KALRN: variants seen among roughly 807,000 people sequenced by gnomAD.
KALRN encodes the protein kalirin RhoGEF kinase.
A neutral mutation model predicts 353.7 loss-of-function variants in KALRN; 70 were observed. The ratio of observed to expected loss-of-function variants is 0.20; its 90% CI spans 0.16 to 0.24. The LOEUF (loss-of-function observed/expected upper bound fraction) is 0.24, where lower values mean the gene tolerates loss of function less well. Among genes scored for constraint, KALRN ranks in the 10% least tolerant of loss-of-function variants. The pLI, the probability that KALRN is intolerant of heterozygous loss-of-function variation, is 1.00. For missense variants in KALRN, 2,791 were observed against 3,756.7 expected, an observed-to-expected ratio of 0.74 and a Z score of 6.72; for synonymous variants, 1,391 against 1,434.8, an observed-to-expected ratio of 0.97 and a Z score of 0.69.
intron 16 of KALRN, among the ~76,000 whole-genome samples, chr3:124,433,463 C>G (rs1408203916): frequency 2.0e-5 from 3 of 151,604 alleles, no homozygotes; most frequent in Non-Finnish European, 4.4e-5. Flanking sequence ...TGGCACACAC[C>G]TGTAGTCCCA....
intron 41 of KALRN, 88 bp from the exon 42 acceptor site, chr3:124,658,343 G>T (rs1048051343): frequency 2.1e-6 from 2 of 974,052 alleles, no homozygotes; most frequent in African/African-American, 3.2e-5. Context: ...TTTGTCCTTT[G>T]TCCACGTGGA....
intron 34 of KALRN, among the ~76,000 whole-genome samples, chr3:124,631,924 C>T (rs529523686): frequency 9.2e-5 from 14 of 152,208 alleles, no homozygotes; most frequent in Admixed American, 3.9e-4. Context: ...TTTGCTCTTC[C>T]GCCCAGAAGG....
chr3:124,581,624 G>A (rs1290727482), intron 34 of KALRN, among the ~76,000 whole-genome samples: 1 of 152,124 alleles, frequency 6.6e-6, no homozygotes, highest in African/African-American at 2.4e-5. Context: ...GAAGATTTGA[G>A]TAAAAAACAA....
intron 15 of KALRN, among the ~76,000 whole-genome samples, chr3:124,427,957 G>T (rs569656180): frequency 2.0e-5 from 3 of 152,086 alleles, no homozygotes; most frequent in Non-Finnish European, 2.9e-5. Context: ...CATCCCTTAT[G>T]CAAGGAAAGT....
chr3:124,081,857 A>C (rs2060559712), intron 1 of KALRN, among the ~76,000 whole-genome samples: 1 of 152,220 alleles, frequency 6.6e-6, no homozygotes, highest in African/African-American at 2.4e-5. Flanking sequence ...GTATGTGTGC[A>C]TTGACATGTA....
At chr3:124,216,068 A>G (rs1448874652) in intron 1 of KALRN, among the ~76,000 whole-genome samples, 1 of 152,200 alleles carries the variant, frequency 6.6e-6, no homozygotes, top group African/African-American at 2.4e-5. Context: ...TTTGTGTTCA[A>G]CTAACCTCAG....
chr3:124,186,210 C>T (rs1021332628), intron 1 of KALRN, among the ~76,000 whole-genome samples: 2 of 152,150 alleles, frequency 1.3e-5, no homozygotes, highest in East Asian at 3.9e-4. Flanking sequence ...ATAATGCAGC[C>T]TCAGAAGGGG....
At chr3:124,310,249 G>A (rs1162178006) in intron 6 of KALRN, among the ~76,000 whole-genome samples, 1 of 151,888 alleles carries the variant, frequency 6.6e-6, no homozygotes, top group South Asian at 2.1e-4. Context: ...ATAAAGCATT[G>A]TTGAAAGAAA....
At chr3:124,562,102 A>G (rs1362444059) in intron 33 of KALRN, among the ~76,000 whole-genome samples, 1 of 152,186 alleles carries the variant, frequency 6.6e-6, no homozygotes, top group Non-Finnish European at 1.5e-5. Flanking sequence ...TATGCTCCTA[A>G]GTAAGAAGTG....
At chr3:124,592,008 T>C (rs2075824660) in intron 34 of KALRN, among the ~76,000 whole-genome samples, 2 of 152,126 alleles carry the variant, frequency 1.3e-5, no homozygotes, top group Non-Finnish European at 2.9e-5. Context: ...CAACAGAAGA[T>C]ACTGGCAAGA....
chr3:124,269,390 A>AG, intron 5 of KALRN, 135 bp downstream of exon 5: 1 of 940,914 alleles, frequency 1.1e-6, no homozygotes, highest in Admixed American at 2.9e-5. Context: ...TAGCTAATGT[A>AG]ATTTTTTTAA....
At chr3:124,576,737 A>C (rs2074135904) in intron 34 of KALRN, among the ~76,000 whole-genome samples, 2 of 152,216 alleles carry the variant, frequency 1.3e-5, no homozygotes, top group South Asian at 2.1e-4. Flanking sequence ...CCGTGAATGT[A>C]CATGCTGCTG....
intron 34 of KALRN, among the ~76,000 whole-genome samples, chr3:124,607,927 AAC>A (rs2077518630): frequency 6.6e-6 from 1 of 152,214 alleles, no homozygotes; most frequent in South Asian, 2.1e-4. Context: ...TTTTATAATT[AAC>A]ATTGTATCCT....
chr3:124,365,532 A>C (rs576069), intron 10 of KALRN, among the ~76,000 whole-genome samples: 152,276 of 152,280 alleles, frequency 1, 76,136 homozygotes, highest in Non-Finnish European at 1. Flanking sequence ...AGGTGAGATA[A>C]AAGTGGACTT....
chr3:124,352,908 A>G (rs2082989757), intron 10 of KALRN, among the ~76,000 whole-genome samples: 1 of 152,208 alleles, frequency 6.6e-6, no homozygotes, highest in Admixed American at 6.5e-5. Context: ...AGAAATACCT[A>G]ATATAAATGA....
intron 5 of KALRN, among the ~76,000 whole-genome samples, chr3:124,272,502 A>G (rs1297766945): frequency 1.3e-5 from 2 of 152,118 alleles, no homozygotes; most frequent in Non-Finnish European, 2.9e-5. Flanking sequence ...CCCAAGGTTT[A>G]GAATGTCTGT....
At chr3:124,583,182 G>A (rs2074795327) in intron 34 of KALRN, among the ~76,000 whole-genome samples, 1 of 152,152 alleles carries the variant, frequency 6.6e-6, no homozygotes, top group Non-Finnish European at 1.5e-5. Context: ...CCATGAGTGT[G>A]TTTCTTCCAG....
intron 50 of KALRN, among the ~76,000 whole-genome samples, chr3:124,678,832 G>T (rs947519983): frequency 6.6e-6 from 1 of 152,104 alleles, no homozygotes; most frequent in South Asian, 2.1e-4. Context: ...CAGTAGGGGG[G>T]CACATTGGTG....
At position 124,206,434 on chromosome 3, in the gene KALRN, C is replaced by T. The variant is rs57203629; in HGVS notation, c.74-21556C>T. ...ATACAACTGTTCCTAACTGCAAGGG[C>T]GGTTGGGAAATGTAACAGTCGTGTG... On this transcript the variant is annotated intron_variant, in intron 1 of 59. Coordinates refer to ENST00000682506, the MANE Select transcript of KALRN (RefSeq NM_001388419.1). 4.6e-5 allele frequency among the ~76,000 whole-genome samples: 7 copies of T among 152,252 alleles called. No homozygotes were observed. In the East Asian group the frequency reaches 5.8e-4, roughly 13 times the overall value.
Sources: gnomAD v4.1 joint callset for allele counts (sites outside exome capture counted in the v4.1 genomes callset) on GRCh38, gnomAD v4.1.1 for gene constraint, MANE v1.5 for transcripts, NCBI Gene and HGNC (gene_info 2026-07-23, HGNC 2026-07-21) for gene names.